Variants in FIGN observed in about 807,000 individuals in gnomAD.
The protein encoded by FIGN is fidgetin.
A neutral mutation model predicts 51.3 loss-of-function variants in FIGN; 11 were observed. That is an observed-to-expected ratio of 0.21 (90% CI 0.13 to 0.35). The LOEUF is 0.35. Among genes scored for constraint, FIGN ranks in the 10% least tolerant of loss-of-function variants. The pLI is 1.00. For synonymous variants in FIGN, 407 were observed against 363.2 expected, an observed-to-expected ratio of 1.12 and a Z score of -1.37; for missense variants, 857 against 943.6, an observed-to-expected ratio of 0.91 and a Z score of 1.20.
rs1168775063 is a variant in FIGN, at chr2:163,608,707, AT to A, written c.*844del. 6.6e-5 allele frequency: 10 copies of A among 152,532 alleles called. No individual in the cohort carries two copies. Among genetic ancestry groups the A allele is most frequent in the African/African-American group, 2.2e-4 (9 of 41,472 alleles). 9.4% of individuals were successfully genotyped at this position (152,532 alleles called of 1,614,324 possible). On this transcript the variant is annotated 3_prime_UTR_variant, in exon 3 of 3. Transcript: ENST00000333129. ...ATAATTAGTAAAAGAACTTAAAAAAATCCTTCCATTTCTACTTTAAACTGTA... is the reference window on the plus strand; with the variant it reads ...ATAATTAGTAAAAGAACTTAAAAAAACCTTCCATTTCTACTTTAAACTGTA...
chr2:163,609,893 G>C lies in FIGN; in HGVS notation c.1939C>G (p.Arg647Gly). 6.2e-7 allele frequency: 1 copy of C among 1,614,102 alleles called. No homozygotes were observed. The highest frequency in any genetic ancestry group is 1.1e-5 in the South Asian group (1 of 91,088). The change falls in exon 3 of 3, where the codon CGA becomes GGA. Residue 647 changes from arginine to glycine, a missense_variant. Coordinates refer to ENST00000333129, the MANE Select transcript of FIGN (RefSeq NM_018086.4). ...DESLRRYFMK[R>G]LLIPLPDSTA... ...CTGTCAGGAAGTGGGATTAAAAGTC[G>C]TTTCATGAAGTACCTCCGAAGGGAT...
chr2:163,626,772 T>C (rs1335868365), intron 2 of FIGN, among the ~76,000 whole-genome samples: 1 of 152,048 alleles, frequency 6.6e-6, no homozygotes, highest in African/African-American at 2.4e-5. Flanking sequence ...ATACAGGTCA[T>C]AAAGACCTGG....
chr2:163,735,721 T>A (rs1685004651), intron 1 of FIGN, 117 bp downstream of exon 1: 1 of 152,362 alleles, frequency 6.6e-6, no homozygotes, highest in Admixed American at 6.5e-5. Flanking sequence ...GAATTTAATG[T>A]TTACGGCACA....
intron 2 of FIGN, among the ~76,000 whole-genome samples, chr2:163,684,841 C>G (rs765485788): frequency 2.0e-5 from 3 of 152,034 alleles, no homozygotes; most frequent in Non-Finnish European, 4.4e-5. Flanking sequence ...CTGGCGTGAT[C>G]TCGGCTCACT....
At chr2:163,613,042 T>G (rs999069091) in intron 2 of FIGN, among the ~76,000 whole-genome samples, 1 of 152,122 alleles carries the variant, frequency 6.6e-6, no homozygotes. Flanking sequence ...TCAGAATAAT[T>G]TGAATTTTAA....
rs960358832 is a variant in FIGN at position 163,607,822 on chromosome 2, C to T, written c.*1730G>A. The T allele has an allele frequency of 3.9e-5, 6 of 152,636 alleles. No individual in the cohort carries two copies. The highest frequency in any genetic ancestry group is 1.4e-4 in the African/African-American group (6 of 41,464). 9.5% of individuals were successfully genotyped at this position (152,636 alleles called of 1,614,324 possible). On this transcript the variant is annotated 3_prime_UTR_variant, in exon 3 of 3. Transcript: ENST00000333129. ...AGTGGCTGTGGAAAGCTACAGCCTGCTCTGTGACAGTTCAGAAGCATTGCC... is the reference window on the plus strand; with the variant it reads ...AGTGGCTGTGGAAAGCTACAGCCTGTTCTGTGACAGTTCAGAAGCATTGCC...
At chr2:163,727,765 C>T (rs1029386465) in intron 2 of FIGN, among the ~76,000 whole-genome samples, 1 of 152,148 alleles carries the variant, frequency 6.6e-6, no homozygotes, top group African/African-American at 2.4e-5. Context: ...ACTTCAAGTG[C>T]ACTCAGATCC....
At position 163,604,849 on chromosome 2, in the gene FIGN, G is replaced by A. The variant is rs552806116; in HGVS notation, c.*4703C>T. 3.5e-4 allele frequency: 52 copies of A among 150,354 alleles called. 1 individual carries two copies. Among genetic ancestry groups the A allele is most frequent in the African/African-American group, 1.2e-3 (49 of 41,018 alleles). The allele number at this position is 150,354 out of a possible 1,614,324, so 9.3% of individuals were successfully genotyped here. A position where few individuals can be genotyped will look rare whatever the true frequency, so the allele number is the denominator to read the frequency against. ...GAAGAGAGAGGAAGAGGAGAGGAGA[G>A]GGATGGAGAGAAGAATGGTTGGGGA... On this transcript the variant is annotated 3_prime_UTR_variant, in exon 3 of 3. Transcript: ENST00000333129.
intron 2 of FIGN, among the ~76,000 whole-genome samples, chr2:163,622,080 T>C (rs1008932131): frequency 6.6e-6 from 1 of 152,212 alleles, no homozygotes; most frequent in Non-Finnish European, 1.5e-5. Context: ...CCTCTTCTTT[T>C]GCTCATGGTT....
chr2:163,698,317 A>G (rs1684355236), intron 2 of FIGN, among the ~76,000 whole-genome samples: 1 of 152,120 alleles, frequency 6.6e-6, no homozygotes, highest in Admixed American at 6.6e-5. Flanking sequence ...AGGATAGCAA[A>G]CTAGGGAAAG....
chr2:163,634,350 T>C (rs1462172429), intron 2 of FIGN, among the ~76,000 whole-genome samples: 1 of 152,186 alleles, frequency 6.6e-6, no homozygotes, highest in Non-Finnish European at 1.5e-5. Flanking sequence ...TTTCATAAAT[T>C]GAGAGTATAT....
chr2:163,654,824 T>C (rs1683534163), intron 2 of FIGN, among the ~76,000 whole-genome samples: 1 of 152,120 alleles, frequency 6.6e-6, no homozygotes, highest in Non-Finnish European at 1.5e-5. Context: ...AATATATACA[T>C]ACCTATTATG....
At chr2:163,703,722 C>T (rs1684445767) in intron 2 of FIGN, among the ~76,000 whole-genome samples, 1 of 152,054 alleles carries the variant, frequency 6.6e-6, no homozygotes, top group African/African-American at 2.4e-5. Context: ...CTTCCTGGCT[C>T]TACTCATATA....
chr2:163,702,256 G>GC (rs1007061629), intron 2 of FIGN, among the ~76,000 whole-genome samples: 1 of 151,992 alleles, frequency 6.6e-6, no homozygotes, highest in Non-Finnish European at 1.5e-5. Flanking sequence ...TTAAAACACG[G>GC]CCCCCATGTT....
intron 2 of FIGN, among the ~76,000 whole-genome samples, chr2:163,629,952 C>CTTTTTTT (rs71297448): frequency 1.1e-4 from 6 of 56,936 alleles, no homozygotes; most frequent in Non-Finnish European, 1.7e-4. Context: ...GAAAGGGGCA[C>CTTTTTTT]TTTTTTTTTT....
At chr2:163,617,261 T>C in intron 2 of FIGN, 2 of 982,096 alleles carry the variant, frequency 2.0e-6, no homozygotes, top group Non-Finnish European at 1.2e-6. Flanking sequence ...TTGTTCCATC[T>C]TTAGAGGACC....
intron 2 of FIGN, among the ~76,000 whole-genome samples, chr2:163,718,782 C>T (rs996396921): frequency 1.3e-5 from 2 of 151,304 alleles, no homozygotes; most frequent in African/African-American, 4.9e-5. Flanking sequence ...TTGTATGTTT[C>T]GAGTGCCTAA....
At chr2:163,702,590 AAAAAG>A (rs1251412581) in intron 2 of FIGN, among the ~76,000 whole-genome samples, 3 of 152,138 alleles carry the variant, frequency 2.0e-5, no homozygotes, top group Non-Finnish European at 4.4e-5. Flanking sequence ...CTCTGAAAGA[AAAAAG>A]AAAAAAGAAG....
At chr2:163,713,190 T>G (rs1684615065) in intron 2 of FIGN, among the ~76,000 whole-genome samples, 1 of 152,206 alleles carries the variant, frequency 6.6e-6, no homozygotes, top group African/African-American at 2.4e-5. Context: ...CTCTGTTTTG[T>G]TCTTCTCACC....
Sources: allele counts gnomAD v4.1 joint callset (sites outside exome capture counted in the v4.1 genomes callset), GRCh38; gene constraint gnomAD v4.1.1; transcripts MANE v1.5; gene names NCBI Gene and HGNC (gene_info 2026-07-23, HGNC 2026-07-21).